The following FBXL7 variants were observed in gnomAD, a reference collection of about 807,000 sequenced individuals.
The protein encoded by FBXL7 is F-box/LRR-repeat protein 7.
FBXL7 carries 12 observed loss-of-function variants against 38.3 expected under a neutral mutation model. The ratio of observed to expected loss-of-function variants is 0.31; its 90% CI spans 0.20 to 0.51. FBXL7 has a LOEUF of 0.51. Among genes scored for constraint, FBXL7 ranks in the 20% least tolerant of loss-of-function variants. The pLI, the probability that FBXL7 is intolerant of heterozygous loss-of-function variation, is 0.98. For missense variants in FBXL7, 567 were observed against 676.4 expected, an observed-to-expected ratio of 0.84 and a Z score of 1.79; for synonymous variants, 297 against 300.9, an observed-to-expected ratio of 0.99 and a Z score of 0.13.
At chr5:15,797,271 A>G (rs1234707049) in intron 2 of FBXL7, among the ~76,000 whole-genome samples, 2 of 152,212 alleles carry the variant, frequency 1.3e-5, no homozygotes, top group Admixed American at 6.5e-5. Flanking sequence ...CTATGAAAGT[A>G]CCACTAGAAC....
At chr5:15,737,937 A>C (rs1735796652) in intron 2 of FBXL7, among the ~76,000 whole-genome samples, 1 of 152,142 alleles carries the variant, frequency 6.6e-6, no homozygotes, top group Admixed American at 6.5e-5. Flanking sequence ...AGCTGCTCTG[A>C]TTGCTTTTTG....
At chr5:15,697,745 G>A (rs897259239) in intron 2 of FBXL7, among the ~76,000 whole-genome samples, 1 of 152,110 alleles carries the variant, frequency 6.6e-6, no homozygotes, top group African/African-American at 2.4e-5. Context: ...TGTCTGAAAA[G>A]CAAAATTGTG....
chr5:15,579,386 G>A (rs1162471931), intron 1 of FBXL7, among the ~76,000 whole-genome samples: 2 of 152,124 alleles, frequency 1.3e-5, no homozygotes, highest in Non-Finnish European at 2.9e-5. Flanking sequence ...TTCTCCCACA[G>A]GCCATAATTT....
At chr5:15,838,748 C>T (rs547398165) in intron 2 of FBXL7, among the ~76,000 whole-genome samples, 1 of 152,274 alleles carries the variant, frequency 6.6e-6, no homozygotes, top group East Asian at 1.9e-4. Flanking sequence ...GACATCTCTT[C>T]CTCCTTAACT....
At position 15,705,948 on chromosome 5, in the gene FBXL7, G is replaced by A. The variant is rs115890124; in HGVS notation, c.127+89876G>A. Among the ~76,000 whole-genome samples the A allele has an allele frequency of 6.3e-3, 954 of 152,152 alleles. 11 individuals are homozygous for A. The highest frequency in any genetic ancestry group is 0.022 in the African/African-American group (903 of 41,482). ...GAATAATAGTATTATACTAGAAAGG[G>A]TGAATTCTAAGGATATAACAATTAA... is the stretch of plus-strand genomic sequence containing the variant. On this transcript the variant is annotated intron_variant, in intron 2 of 3. Transcript: ENST00000504595.
chr5:15,905,692 A>G (rs1358452851), intron 2 of FBXL7, among the ~76,000 whole-genome samples: 2 of 152,200 alleles, frequency 1.3e-5, no homozygotes, highest in Admixed American at 6.5e-5. Context: ...CAAGAATTAA[A>G]TATTTTCAGT....
chr5:15,619,881 A>AC (rs1280461258), intron 2 of FBXL7, among the ~76,000 whole-genome samples: 5 of 152,198 alleles, frequency 3.3e-5, no homozygotes, highest in African/African-American at 1.2e-4. Context: ...TTTGTGTCTG[A>AC]CATCTACATG....
intron 2 of FBXL7, among the ~76,000 whole-genome samples, chr5:15,900,365 A>G (rs1214369189): frequency 6.6e-6 from 1 of 152,150 alleles, no homozygotes; most frequent in African/African-American, 2.4e-5. Context: ...AATCTATACC[A>G]AAGAACTGCA....
chr5:15,650,741 G>C (rs1187583044), intron 2 of FBXL7, among the ~76,000 whole-genome samples: 3 of 152,198 alleles, frequency 2.0e-5, no homozygotes, highest in Non-Finnish European at 4.4e-5. Flanking sequence ...TCCATGTCAA[G>C]AAACCACTTT....
At chr5:15,590,025 C>T (rs1000360555) in intron 1 of FBXL7, among the ~76,000 whole-genome samples, 3 of 152,124 alleles carry the variant, frequency 2.0e-5, no homozygotes, top group Admixed American at 6.6e-5. Context: ...CATGTTTTTT[C>T]TTAAAAGAAT....
At chr5:15,623,315 T>G (rs1318029346) in intron 2 of FBXL7, among the ~76,000 whole-genome samples, 2 of 152,224 alleles carry the variant, frequency 1.3e-5, no homozygotes, top group Admixed American at 1.3e-4. Flanking sequence ...TGGAAACACA[T>G]TTCAGTCAAC....
chr5:15,802,336 A>G (rs1473385876), intron 2 of FBXL7, among the ~76,000 whole-genome samples: 1 of 151,994 alleles, frequency 6.6e-6, no homozygotes, highest in East Asian at 1.9e-4. Context: ...GGTAATGTCC[A>G]TGTTTCTCTG....
At chr5:15,800,447 A>C (rs1183687190) in intron 2 of FBXL7, among the ~76,000 whole-genome samples, 1 of 152,214 alleles carries the variant, frequency 6.6e-6, no homozygotes, top group Non-Finnish European at 1.5e-5. Flanking sequence ...AATGACAGAC[A>C]GGCCTAGGCT....
At chr5:15,570,403 C>T (rs917806498) in intron 1 of FBXL7, among the ~76,000 whole-genome samples, 2 of 152,062 alleles carry the variant, frequency 1.3e-5, no homozygotes, top group Non-Finnish European at 2.9e-5. Flanking sequence ...ATTCTCTGAT[C>T]GTAGTTTGTA....
intron 2 of FBXL7, among the ~76,000 whole-genome samples, chr5:15,810,727 T>A (rs1737838774): frequency 1.3e-5 from 2 of 152,194 alleles, no homozygotes; most frequent in South Asian, 4.1e-4. Context: ...TATTTTTCTT[T>A]TATAATACTT....
intron 2 of FBXL7, among the ~76,000 whole-genome samples, chr5:15,623,913 T>A (rs1431320898): frequency 1.3e-5 from 2 of 152,162 alleles, no homozygotes; most frequent in Non-Finnish European, 2.9e-5. Context: ...TCATGTAAAA[T>A]TAGTAGGTGG....
At chr5:15,608,707 C>G (rs1338734366) in intron 1 of FBXL7, among the ~76,000 whole-genome samples, 1 of 152,192 alleles carries the variant, frequency 6.6e-6, no homozygotes, top group African/African-American at 2.4e-5. Context: ...TGCCACAATC[C>G]TGCAGCCTCA....
intron 2 of FBXL7, among the ~76,000 whole-genome samples, chr5:15,778,866 A>T (rs891146963): frequency 1.3e-5 from 2 of 152,150 alleles, no homozygotes; most frequent in African/African-American, 4.8e-5. Flanking sequence ...TCATGAAAGG[A>T]TAATCTTGCT....
At chr5:15,507,056 GGAAGGGAGGA>G (rs1270939260) in intron 1 of FBXL7, among the ~76,000 whole-genome samples, 1 of 150,960 alleles carries the variant, frequency 6.6e-6, no homozygotes, top group Admixed American at 6.6e-5. Context: ...TTCATTCAAG[GGAAGGGAGGA>G]GAAGGCCCAG....
Sources: gnomAD v4.1 joint callset for allele counts (sites outside exome capture counted in the v4.1 genomes callset) on GRCh38, gnomAD v4.1.1 for gene constraint, MANE v1.5 for transcripts, NCBI Gene and HGNC (gene_info 2026-07-23, HGNC 2026-07-21) for gene names.